VAMP7: variants seen among roughly 807,000 people sequenced by gnomAD.
VAMP7 encodes vesicle associated membrane protein 7.
VAMP7 carries 14 observed loss-of-function variants against 29.6 expected under a neutral mutation model. The observed-to-expected ratio is 0.47, with a 90% CI of 0.31 to 0.74. The LOEUF (loss-of-function observed/expected upper bound fraction) is 0.74, where lower values mean the gene tolerates loss of function less well. Ranked by LOEUF, VAMP7 falls within the 30% of genes least tolerant of loss-of-function variation. VAMP7 has a pLI of 0.05. For missense variants in VAMP7, 223 were observed against 262.4 expected (o/e 0.85, Z 1.04); for synonymous variants, 95 against 88.1 (o/e 1.08, Z -0.44).
intron 5 of VAMP7, among the ~76,000 whole-genome samples, chrX:155,911,460 T>G (rs1447892826): frequency 2.6e-5 from 4 of 152,118 alleles, no homozygotes; most frequent in Admixed American, 2.6e-4. Flanking sequence ...AATACTAATT[T>G]TAGGATTGTT....
rs1223082160 is a variant in VAMP7, at chrX:155,943,756, G to T, written c.*1805G>T. 1 of 152,070 alleles carries T rather than the reference G, an allele frequency of 6.6e-6. No homozygotes were observed. Among genetic ancestry groups the T allele is most frequent in the African/African-American group, 2.4e-5 (1 of 41,398 alleles). 9.4% of individuals were successfully genotyped at this position (152,070 alleles called of 1,614,324 possible). On this transcript the variant is annotated 3_prime_UTR_variant, in exon 8 of 8. Transcript: ENST00000286448. ...AACTGAAGATGTTAATAAAATTTAA[G>T]AGTAATACAATGATTTGCTTGTTTT...
intron 2 of VAMP7, among the ~76,000 whole-genome samples, chrX:155,891,577 A>G (rs959891313): frequency 3.9e-5 from 6 of 152,264 alleles, no homozygotes; most frequent in Non-Finnish European, 5.9e-5. Context: ...TCCCATTTGG[A>G]AAAGGGAAGA....
chrX:155,916,038 C>T (rs1249185040), intron 5 of VAMP7, among the ~76,000 whole-genome samples: 2 of 152,150 alleles, frequency 1.3e-5, no homozygotes, highest in Non-Finnish European at 1.5e-5. Flanking sequence ...TCTGGGTGCT[C>T]CTGTATTGGG....
Position 155,919,940 on chromosome X carries a change from G to C in VAMP7, c.501+60G>C, listed in dbSNP as rs2066371784. 2.3e-6 allele frequency: 3 copies of C among 1,322,732 alleles called. No homozygotes were observed. In the Admixed American group the frequency reaches 6.1e-5, roughly 27 times the overall value. The allele number at this position is 1,322,732 out of a possible 1,614,324, so 81.9% of individuals were successfully genotyped here. ...TAAAGTGGAGAAACTATGGATGATG[G>C]CTAACATAATTGGGAAATACCTTAA... is the stretch of plus-strand genomic sequence containing the variant. On this transcript the variant is annotated intron_variant, in intron 6 of 7. Transcript: ENST00000286448.
At chrX:155,894,909 C>CA (rs1425439283) in intron 2 of VAMP7, among the ~76,000 whole-genome samples, 1 of 152,144 alleles carries the variant, frequency 6.6e-6, no homozygotes, top group East Asian at 1.9e-4. Context: ...AGCCAGCCAC[C>CA]ACGCCTGGCC....
At chrX:155,883,197 A>G (rs2065824630) in intron 1 of VAMP7, among the ~76,000 whole-genome samples, 1 of 152,210 alleles carries the variant, frequency 6.6e-6, no homozygotes. Context: ...CTATTTGATC[A>G]AATTTAAATG....
chrX:155,932,369 C>T (rs1323915377), intron 6 of VAMP7, among the ~76,000 whole-genome samples: 6 of 152,092 alleles, frequency 3.9e-5, no homozygotes, highest in Non-Finnish European at 8.8e-5. Context: ...TTGTTTGTGT[C>T]CTCTTTTATT....
intron 5 of VAMP7, among the ~76,000 whole-genome samples, chrX:155,916,362 G>T (rs1374966557): frequency 1.3e-5 from 2 of 152,104 alleles, no homozygotes; most frequent in African/African-American, 4.8e-5. Flanking sequence ...TACATTTAAG[G>T]TTAATATTGT....
chrX:155,899,807 C>T (rs1189758481), intron 4 of VAMP7, among the ~76,000 whole-genome samples: 1 of 152,026 alleles, frequency 6.6e-6, no homozygotes, highest in African/African-American at 2.4e-5. Flanking sequence ...AACAAAATCT[C>T]TACCTGTTCC....
intron 2 of VAMP7, among the ~76,000 whole-genome samples, chrX:155,890,112 T>C (rs1387951245): frequency 6.6e-6 from 1 of 151,772 alleles, no homozygotes; most frequent in Non-Finnish European, 1.5e-5. Flanking sequence ...GTATTCCAAG[T>C]AGAAGGAACA....
chrX:155,914,456 A>G (rs2066282359), intron 5 of VAMP7, among the ~76,000 whole-genome samples: 3 of 152,068 alleles, frequency 2.0e-5, no homozygotes, highest in East Asian at 1.9e-4. Context: ...CAAAGGGAAT[A>G]CTTCCAGCTT....
intron 5 of VAMP7, among the ~76,000 whole-genome samples, chrX:155,907,876 C>T (rs2066170434): frequency 6.6e-6 from 1 of 152,106 alleles, no homozygotes. Context: ...CTCCTCACTT[C>T]TCAGACAGGG....
chrX:155,941,743 T>C, intron 7 of VAMP7, 140 bp from the exon 8 acceptor site: 1 of 1,028,246 alleles, frequency 9.7e-7, no homozygotes, highest in Non-Finnish European at 1.4e-6. Context: ...AAATACTTGT[T>C]TAGTGTGTTC....
At chrX:155,900,408 C>T in intron 4 of VAMP7, 89 bp from the exon 5 acceptor site, 1 of 971,744 alleles carries the variant, frequency 1.0e-6, no homozygotes, top group Non-Finnish European at 1.5e-6. Context: ...TTATAGCATT[C>T]CTCAGTGTAA....
chrX:155,913,873 A>G (rs147512871), intron 5 of VAMP7, among the ~76,000 whole-genome samples: 11 of 152,212 alleles, frequency 7.2e-5, no homozygotes, highest in African/African-American at 2.6e-4. Context: ...TTTGGTTCCA[A>G]ATGAAATTTA....
chrX:155,942,272 C>T lies in VAMP7; in HGVS notation c.*321C>T, dbSNP rs2066757249. 5 of 1,133,646 alleles carry T rather than the reference C, an allele frequency of 4.4e-6. No individual in the cohort carries two copies. The highest frequency in any genetic ancestry group is 1.6e-5 in the African/African-American group (1 of 63,498). 70.2% of individuals were successfully genotyped at this position (1,133,646 alleles called of 1,614,324 possible). On this transcript the variant is annotated 3_prime_UTR_variant, in exon 8 of 8. Coordinates refer to ENST00000286448, the MANE Select transcript of VAMP7 (RefSeq NM_005638.6). ...ATTGCTCAAAGCTGTCGCCGCTAGT[C>T]TTATGAGCTATCTACTAAAACTATG... is the stretch of plus-strand genomic sequence containing the variant.
At chrX:155,940,412 G>C (rs948154816) in intron 7 of VAMP7, among the ~76,000 whole-genome samples, 1 of 152,116 alleles carries the variant, frequency 6.6e-6, no homozygotes, top group South Asian at 2.1e-4. Context: ...TAGACAGCTG[G>C]ATTTATCTAA....
chrX:155,910,065 G>C (rs1195320137), intron 5 of VAMP7, among the ~76,000 whole-genome samples: 1 of 151,728 alleles, frequency 6.6e-6, no homozygotes, highest in Non-Finnish European at 1.5e-5. Flanking sequence ...CTGTGTGTTT[G>C]TACCTATTAA....
chrX:155,918,626 C>T (rs973664016), intron 5 of VAMP7, among the ~76,000 whole-genome samples: 6 of 152,140 alleles, frequency 3.9e-5, no homozygotes, highest in Admixed American at 6.5e-5. Flanking sequence ...GCTCACCCTC[C>T]GTGGGCTGCA....
Sources: allele counts gnomAD v4.1 joint callset (sites outside exome capture counted in the v4.1 genomes callset), GRCh38; gene constraint gnomAD v4.1.1; transcripts MANE v1.5; gene names NCBI Gene and HGNC (gene_info 2026-07-23, HGNC 2026-07-21).